CDH23: variants seen among roughly 807,000 people sequenced by gnomAD.
CDH23 encodes cadherin-23.
CDH23 carries 189 observed loss-of-function variants against 317.1 expected under a neutral mutation model. That is an observed-to-expected ratio of 0.60 (90% CI 0.53 to 0.67). The LOEUF (loss-of-function observed/expected upper bound fraction) is 0.67. CDH23 is among the 30% of genes least tolerant of loss of function. The probability of loss-of-function intolerance (pLI) is 0.00; values close to 1 mark genes in which losing one functional copy is unlikely to be tolerated. For missense variants in CDH23, 4,401 were observed against 4,592.4 expected (o/e 0.96, Z 1.20); for synonymous variants, 1,839 against 1,876.8 (o/e 0.98, Z 0.52).
At chr10:71,549,108 T>C (rs1298224979) in intron 6 of CDH23, among the ~76,000 whole-genome samples, 1 of 152,250 alleles carries the variant, frequency 6.6e-6, no homozygotes, top group Non-Finnish European at 1.5e-5. Flanking sequence ...GGCCCACTAC[T>C]GATCAGCCAG....
At chr10:71,763,338 G>A (rs1005655582) in intron 38 of CDH23, among the ~76,000 whole-genome samples, 4 of 152,214 alleles carry the variant, frequency 2.6e-5, no homozygotes, top group Admixed American at 2.6e-4. Context: ...TGGCATGTCA[G>A]GCTGTTGTGG....
At chr10:71,642,670 G>C (rs552146946) in intron 11 of CDH23, among the ~76,000 whole-genome samples, 1 of 152,236 alleles carries the variant, frequency 6.6e-6, no homozygotes, top group Non-Finnish European at 1.5e-5. Context: ...GACGTGCTGG[G>C]ATTACAGGCA....
intron 26 of CDH23, among the ~76,000 whole-genome samples, chr10:71,708,367 C>A (rs991054542): frequency 6.6e-6 from 1 of 152,202 alleles, no homozygotes; most frequent in Non-Finnish European, 1.5e-5. Context: ...AAGCTCACCA[C>A]AAAGCTGGTG....
intron 38 of CDH23, chr10:71,761,002 C>T (rs1840368188): frequency 1.4e-6 from 2 of 1,434,006 alleles, no homozygotes; most frequent in East Asian, 2.3e-5. Context: ...GCCAGTGTCC[C>T]CCTCCTGCCC....
At chr10:71,770,134 G>A (rs1036034266) in intron 38 of CDH23, among the ~76,000 whole-genome samples, 8 of 152,222 alleles carry the variant, frequency 5.3e-5, no homozygotes, top group African/African-American at 1.4e-4. Context: ...CACTCCATTA[G>A]GCCCTGTAGA....
chr10:71,568,545 C>T (rs181954073), intron 7 of CDH23, among the ~76,000 whole-genome samples: 1 of 152,294 alleles, frequency 6.6e-6, no homozygotes, highest in East Asian at 1.9e-4. Context: ...CTGTTACTCT[C>T]CCAGTAATCA....
In CDH23 at chr10:71,719,406, C is replaced by T. The variant is rs74147037; in HGVS notation, c.3370-4639C>T. 1.0e-3 allele frequency among the ~76,000 whole-genome samples: 157 copies of T among 152,352 alleles called. 1 individual carries two copies. The highest frequency in any genetic ancestry group is 3.7e-3 in the African/African-American group (154 of 41,578). On this transcript the variant is annotated intron_variant, in intron 28 of 69. Coordinates refer to ENST00000224721, the MANE Select transcript of CDH23 (RefSeq NM_022124.6). ...AAGCTCAGTCTAGGACCCTCCTCTT[C>T]CCTTGGAGTTCCACAGAGCAGGACC...
intron 3 of CDH23, among the ~76,000 whole-genome samples, chr10:71,459,149 A>C: frequency 7.3e-6 from 1 of 137,678 alleles, no homozygotes; most frequent in South Asian, 2.5e-4. Flanking sequence ...ACGCAGTGGC[A>C]AGATCACAGC....
intron 14 of CDH23, among the ~76,000 whole-genome samples, chr10:71,656,315 G>T (rs1288654522): frequency 6.6e-6 from 1 of 152,178 alleles, no homozygotes; most frequent in African/African-American, 2.4e-5. Flanking sequence ...GCTACTTCTG[G>T]GCAGGGCCAG....
chr10:71,640,588 A>G (rs937226827), intron 11 of CDH23, among the ~76,000 whole-genome samples: 4 of 152,184 alleles, frequency 2.6e-5, no homozygotes, highest in African/African-American at 9.7e-5. Flanking sequence ...TCTCTACTAA[A>G]AATACAAAAA....
intron 6 of CDH23, among the ~76,000 whole-genome samples, chr10:71,516,080 A>G (rs1293309603): frequency 6.6e-6 from 1 of 152,202 alleles, no homozygotes; most frequent in African/African-American, 2.4e-5. Context: ...TCCCAGAGGA[A>G]AGTCAACTCT....
rs561172816 is a variant in CDH23, at chr10:71,743,780, C to G, written c.4845+1859C>G. Among the ~76,000 whole-genome samples, 8 of 152,338 alleles carry G rather than the reference C, an allele frequency of 5.3e-5. No homozygotes were observed. The South Asian group carries it at 1.7e-3, about 32-fold the overall frequency. On this transcript the variant is annotated intron_variant, in intron 38 of 69. Coordinates refer to ENST00000224721, the MANE Select transcript of CDH23 (RefSeq NM_022124.6). Reference sequence around the variant, plus strand: ...AATAGCATTTGTGAAGTAACAGAAACTGACTATGGAGTCATAAAGAATCAA... The same window carrying G: ...AATAGCATTTGTGAAGTAACAGAAAGTGACTATGGAGTCATAAAGAATCAA...
chr10:71,650,851 C>T (rs1175670243), intron 14 of CDH23, among the ~76,000 whole-genome samples: 1 of 152,240 alleles, frequency 6.6e-6, no homozygotes, highest in East Asian at 1.9e-4. Context: ...TTGGGGCAGC[C>T]CTGCAGCCTG....
intron 30 of CDH23, among the ~76,000 whole-genome samples, chr10:71,730,160 C>T (rs1171564908): frequency 6.6e-6 from 1 of 152,168 alleles, no homozygotes; most frequent in African/African-American, 2.4e-5. Flanking sequence ...AATATTACCA[C>T]TTTATAGCTG....
At chr10:71,480,101 C>T (rs1248478624) in intron 3 of CDH23, among the ~76,000 whole-genome samples, 2 of 152,188 alleles carry the variant, frequency 1.3e-5, no homozygotes, top group East Asian at 1.9e-4. Context: ...CACCTCTGCT[C>T]CCCCACACCT....
intron 1 of CDH23, among the ~76,000 whole-genome samples, chr10:71,404,781 G>T (rs77872141): frequency 0.015 from 2,346 of 152,340 alleles, 67 homozygotes; most frequent in African/African-American, 0.053. Flanking sequence ...TTTTTTTCTA[G>T]CCTGTGTCTT....
intron 17 of CDH23, among the ~76,000 whole-genome samples, chr10:71,679,888 C>T (rs1413549665): frequency 6.6e-6 from 1 of 152,216 alleles, no homozygotes; most frequent in East Asian, 1.9e-4. Context: ...GCACCATGCC[C>T]TGCTGCCTGC....
rs537174680 is a variant in CDH23 at position 71,581,371 on chromosome 10, G to T, written c.832+3379G>T. On this transcript the variant is annotated intron_variant, in intron 9 of 69. Transcript: ENST00000224721. Reference sequence around the variant, plus strand: ...GGGGCACCCCCAGAAGCCTGGGCTGGTGGTGGCTCTGTCTGCAGTGGGTGA... The same window carrying T: ...GGGGCACCCCCAGAAGCCTGGGCTGTTGGTGGCTCTGTCTGCAGTGGGTGA... Among the ~76,000 whole-genome samples the T allele has an allele frequency of 1.1e-4, 16 of 152,328 alleles. No homozygotes were observed. The South Asian group carries it at 2.9e-3, about 28-fold the overall frequency.
In CDH23 at chr10:71,688,665, G is replaced by A. The variant is rs111209658; in HGVS notation, c.2059+946G>A. 3.8e-3 allele frequency among the ~76,000 whole-genome samples: 524 copies of A among 137,534 alleles called. 1 individual carries two copies. Among genetic ancestry groups the A allele is most frequent in the African/African-American group, 0.014 (488 of 35,272 alleles). The allele number at this position is 137,534 out of a possible 152,430, so 90.2% of individuals were successfully genotyped here. On this transcript the variant is annotated intron_variant, in intron 19 of 69. Coordinates refer to ENST00000224721, the MANE Select transcript of CDH23 (RefSeq NM_022124.6). ...GTCAGGGATGATGGAGCCAGGGGTG[G>A]TGGAGTCAGGGGTGGTGGAGCCAAC... is the stretch of plus-strand genomic sequence containing the variant.
Sources: allele counts gnomAD v4.1 joint callset (sites outside exome capture counted in the v4.1 genomes callset), GRCh38; gene constraint gnomAD v4.1.1; transcripts MANE v1.5; gene names NCBI Gene and HGNC (gene_info 2026-07-23, HGNC 2026-07-21).